SLC25A24: variants seen among roughly 807,000 people sequenced by gnomAD.
SLC25A24 encodes the protein mitochondrial adenyl nucleotide antiporter SLC25A24.
A neutral mutation model predicts 60.7 loss-of-function variants in SLC25A24; 49 were observed. The ratio of observed to expected loss-of-function variants is 0.81; its 90% CI spans 0.64 to 1.02. The LOEUF (loss-of-function observed/expected upper bound fraction) is 1.02, where lower values mean the gene tolerates loss of function less well. Ranked by LOEUF, SLC25A24 falls within the 50% of genes least tolerant of loss-of-function variation. The pLI is 0.00. For synonymous variants in SLC25A24, 202 were observed against 200.6 expected (o/e 1.01, Z -0.06); for missense variants, 564 against 586.3 (o/e 0.96, Z 0.39).
In SLC25A24 at chr1:108,136,218, T is replaced by C. The variant is rs1033628087; in HGVS notation, c.*435A>G. On this transcript the variant is annotated 3_prime_UTR_variant, in exon 10 of 10. Transcript: ENST00000565488. ...TGTAATGATTTTCTATTAATGGTTC[T>C]ATAAGGAAATTTAAAGAAATCTATA... The C allele has an allele frequency of 3.3e-5, 5 of 153,096 alleles. No homozygotes were observed. The highest frequency in any genetic ancestry group is 1.2e-4 in the African/African-American group (5 of 41,468). The allele number at this position is 153,096 out of a possible 1,614,324, so 9.5% of individuals were successfully genotyped here.
chr1:108,148,333 A>C lies in SLC25A24; in HGVS notation c.876T>G (p.Phe292Leu). The change falls in exon 7 of 10, where the codon TTT becomes TTG. Residue 292 changes from phenylalanine (F) to leucine (L), a missense_variant. By Grantham distance (22) the Phe-to-Leu change is conservative. Transcript: ENST00000565488. ...EGQKIGTFER[F>L]ISGSMAGATA... Reference sequence around the variant, plus strand: ...TTGCTCCAGCCATGGAACCAGAAATAAATCTCTCAAATGTTCCTATTTTTT... The same window carrying C: ...TTGCTCCAGCCATGGAACCAGAAATCAATCTCTCAAATGTTCCTATTTTTT... 1 of 1,613,352 alleles carries C rather than the reference A, an allele frequency of 6.2e-7. No homozygotes were observed. Among genetic ancestry groups the C allele is most frequent in the Non-Finnish European group, 8.5e-7 (1 of 1,179,354 alleles).
At chr1:108,178,385 A>T (rs544352232) in intron 3 of SLC25A24, among the ~76,000 whole-genome samples, 1 of 152,356 alleles carries the variant, frequency 6.6e-6, no homozygotes, top group Non-Finnish European at 1.5e-5. Flanking sequence ...CCTAATGGCA[A>T]GAGAATACAC....
intron 6 of SLC25A24, among the ~76,000 whole-genome samples, chr1:108,151,591 C>A (rs1429808738): frequency 6.6e-6 from 1 of 152,194 alleles, no homozygotes; most frequent in Non-Finnish European, 1.5e-5. Flanking sequence ...TTCTCAGTGT[C>A]CTTTGCAAGT....
At chr1:108,177,927 G>A (rs1647743061) in intron 3 of SLC25A24, among the ~76,000 whole-genome samples, 2 of 152,148 alleles carry the variant, frequency 1.3e-5, no homozygotes, top group South Asian at 2.1e-4. Flanking sequence ...CACTTTGGGA[G>A]GCCAAGGCGG....
chr1:108,163,755 CCT>C (rs1320635257), intron 3 of SLC25A24, among the ~76,000 whole-genome samples: 1 of 151,742 alleles, frequency 6.6e-6, no homozygotes, highest in Non-Finnish European at 1.5e-5. Flanking sequence ...AATTTGACTT[CCT>C]CTTTTCCTAA....
intron 6 of SLC25A24, among the ~76,000 whole-genome samples, chr1:108,150,388 G>C (rs1000047304): frequency 1.8e-4 from 27 of 152,190 alleles, no homozygotes; most frequent in African/African-American, 6.5e-4. Context: ...GAGACTTTAA[G>C]TAACTTGCCA....
intron 3 of SLC25A24, among the ~76,000 whole-genome samples, chr1:108,163,734 C>T (rs1167125763): frequency 2.0e-5 from 3 of 151,598 alleles, no homozygotes; most frequent in Non-Finnish European, 4.4e-5. Context: ...ATGTCGTCTG[C>T]AAACAGGGAC....
Position 108,180,616 on chromosome 1 carries a change from ATCTCTCTCTCTCTCTCTCTC to A in SLC25A24, c.398+1305_398+1324del, listed in dbSNP as rs3043349. 9.7e-3 allele frequency among the ~76,000 whole-genome samples: 599 copies of A among 61,808 alleles called. 7 individuals carry two copies. Among genetic ancestry groups the A allele is most frequent in the African/African-American group, 0.038 (550 of 14,532 alleles). 40.5% of individuals were successfully genotyped at this position (61,808 alleles called of 152,430 possible). A position where few individuals can be genotyped will look rare whatever the true frequency, so the allele number is the denominator to read the frequency against. The stretch of plus-strand genomic sequence containing the variant: ...CCTTATAATAGAAAGCAAGAGAAAG[ATCTCTCTCTCTCTCTCTCTC>A]TCTCTCTCTCTCTCTCTCTCTCTCT... On this transcript the variant is annotated intron_variant, in intron 3 of 9. Transcript: ENST00000565488.
chr1:108,171,700 C>A (rs1005583705), intron 3 of SLC25A24, among the ~76,000 whole-genome samples: 4 of 152,218 alleles, frequency 2.6e-5, no homozygotes, highest in Non-Finnish European at 5.9e-5. Context: ...GTGGGAACAA[C>A]AGGCATGGCA....
intron 3 of SLC25A24, among the ~76,000 whole-genome samples, chr1:108,176,858 T>C (rs1647690694): frequency 6.6e-6 from 1 of 152,122 alleles, no homozygotes. Context: ...ACCTATTTTA[T>C]AAGAAACGTA....
chr1:108,157,432 C>A (rs779387038), intron 5 of SLC25A24, 30 bp downstream of exon 5: 2 of 1,571,908 alleles, frequency 1.3e-6, no homozygotes, highest in Non-Finnish European at 1.7e-6. Flanking sequence ...ATATTTAGGG[C>A]AAACCTGGAC....
chr1:108,175,386 G>T (rs555126810), intron 3 of SLC25A24, among the ~76,000 whole-genome samples: 1 of 152,252 alleles, frequency 6.6e-6, no homozygotes, highest in South Asian at 2.1e-4. Flanking sequence ...CACCATGATT[G>T]TAAGTTTCCT....
In SLC25A24 at chr1:108,200,193, C is replaced by T; in HGVS notation, c.-55G>A. Reference sequence around the variant, plus strand: ...GGAAGTCACGGGAGATCGAGGGCTGCGGGGCGAGACCGGGACCAGCGCGAG... The same window carrying T: ...GGAAGTCACGGGAGATCGAGGGCTGTGGGGCGAGACCGGGACCAGCGCGAG... On this transcript the variant is annotated 5_prime_UTR_variant, in exon 1 of 10. Transcript: ENST00000565488. The T allele has an allele frequency of 2.0e-6, 3 of 1,470,856 alleles. No individual in the cohort carries two copies. Among genetic ancestry groups the T allele is most frequent in the Non-Finnish European group, 2.7e-6 (3 of 1,109,874 alleles). 91.1% of individuals were successfully genotyped at this position (1,470,856 alleles called of 1,614,324 possible).
intron 1 of SLC25A24, among the ~76,000 whole-genome samples, chr1:108,188,696 A>T (rs1391074122): frequency 2.6e-5 from 4 of 152,206 alleles, no homozygotes; most frequent in Non-Finnish European, 4.4e-5. Context: ...CCACAAGAAG[A>T]CAGGAGTCCA....
chr1:108,160,819 GC>G (rs1680051950), intron 4 of SLC25A24, among the ~76,000 whole-genome samples: 3 of 152,198 alleles, frequency 2.0e-5, no homozygotes, highest in African/African-American at 7.2e-5. Flanking sequence ...GCGTGGCGGT[GC>G]GCGCCTGCAA....
At position 108,194,670 on chromosome 1, in the gene SLC25A24, T is replaced by A. The variant is rs1054453619; in HGVS notation, c.183+5286A>T. On this transcript the variant is annotated intron_variant, in intron 1 of 9. Transcript: ENST00000565488. Reference sequence around the variant, plus strand: ...TATTATTTTTTATTCCCCATGCACCTACACACACACACAGACCTACTTACT... The same window carrying A: ...TATTATTTTTTATTCCCCATGCACCAACACACACACACAGACCTACTTACT... 3.3e-5 allele frequency among the ~76,000 whole-genome samples: 5 copies of A among 151,898 alleles called. 1 individual carries two copies. Among genetic ancestry groups the A allele is most frequent in the Admixed American group, 3.3e-4 (5 of 15,240 alleles).
At chr1:108,171,008 TA>T (rs1647441595) in intron 3 of SLC25A24, among the ~76,000 whole-genome samples, 1 of 152,172 alleles carries the variant, frequency 6.6e-6, no homozygotes, top group African/African-American at 2.4e-5. Flanking sequence ...GGGCACATTT[TA>T]GTGGAGTTTT....
At chr1:108,159,550 G>C (rs1021228257) in intron 4 of SLC25A24, among the ~76,000 whole-genome samples, 15 of 150,856 alleles carry the variant, frequency 9.9e-5, no homozygotes, top group Middle Eastern at 3.4e-3. Context: ...ATAGTGGAGG[G>C]AAGGTCAGCA....
intron 8 of SLC25A24, among the ~76,000 whole-genome samples, chr1:108,141,024 C>T (rs12088440): frequency 0.025 from 3,738 of 152,166 alleles, 147 homozygotes; most frequent in African/African-American, 0.077. Flanking sequence ...CATACAGAAT[C>T]AACTATACCT....
Sources: allele counts gnomAD v4.1 joint callset (sites outside exome capture counted in the v4.1 genomes callset), GRCh38; gene constraint gnomAD v4.1.1; transcripts MANE v1.5; gene names NCBI Gene and HGNC (gene_info 2026-07-23, HGNC 2026-07-21).